SPOCK1: variants seen among roughly 807,000 people sequenced by gnomAD.
SPOCK1 encodes the protein testican-1.
In SPOCK1, 23 loss-of-function variants were observed where a neutral mutation model predicts 55.3. The observed-to-expected ratio is 0.42, with a 90% confidence interval of 0.30 to 0.59. The LOEUF (loss-of-function observed/expected upper bound fraction) is 0.59. SPOCK1 is among the 20% of genes least tolerant of loss of function. The probability of loss-of-function intolerance (pLI) is 0.22; values close to 1 mark genes in which losing one functional copy is unlikely to be tolerated. For synonymous variants in SPOCK1, 226 were observed against 221.0 expected (o/e 1.02, Z -0.20); for missense variants, 499 against 552.5 (o/e 0.90, Z 0.97).
At chr5:137,403,600 GC>G in intron 2 of SPOCK1, among the ~76,000 whole-genome samples, 1 of 152,064 alleles carries the variant, frequency 6.6e-6, no homozygotes, top group Non-Finnish European at 1.5e-5. Flanking sequence ...GTAGGGTGTG[GC>G]CAGGTTGTAG....
intron 2 of SPOCK1, among the ~76,000 whole-genome samples, chr5:137,378,277 G>C (rs187060567): frequency 6.6e-6 from 1 of 152,316 alleles, no homozygotes; most frequent in East Asian, 1.9e-4. Context: ...TTCTGCATGA[G>C]AATTGCTATG....
intron 2 of SPOCK1, among the ~76,000 whole-genome samples, chr5:137,409,771 A>T (rs931149904): frequency 6.6e-6 from 1 of 152,214 alleles, no homozygotes; most frequent in African/African-American, 2.4e-5. Flanking sequence ...GTTAGGTTAG[A>T]AGGATATACA....
At chr5:137,406,933 A>C (rs1363784010) in intron 2 of SPOCK1, among the ~76,000 whole-genome samples, 5 of 152,194 alleles carry the variant, frequency 3.3e-5, no homozygotes, top group Non-Finnish European at 5.9e-5. Flanking sequence ...TACCATTATA[A>C]TTTTATATTG....
rs74979635 is a variant in SPOCK1 at position 137,253,050 on chromosome 5, C to G, written c.232+13960G>C. 3.3e-3 allele frequency among the ~76,000 whole-genome samples: 509 copies of G among 152,322 alleles called. 6 individuals are homozygous for G. The highest frequency in any genetic ancestry group is 0.011 in the African/African-American group (474 of 41,574). On this transcript the variant is annotated intron_variant, in intron 3 of 10. Transcript: ENST00000394945. ...ACCTGAATGTCAGGCAAAAGCACTTCCTTTTCTAGAGGACAAAAATCCCTC... is the reference window on the plus strand; with the variant it reads ...ACCTGAATGTCAGGCAAAAGCACTTGCTTTTCTAGAGGACAAAAATCCCTC...
At chr5:137,424,012 C>A (rs769344175) in intron 2 of SPOCK1, among the ~76,000 whole-genome samples, 6 of 151,500 alleles carry the variant, frequency 4.0e-5, no homozygotes, top group Non-Finnish European at 7.4e-5. Context: ...ATACAGATAC[C>A]TGGTTGTTCC....
intron 2 of SPOCK1, among the ~76,000 whole-genome samples, chr5:137,279,420 T>C (rs765638183): frequency 8.5e-5 from 13 of 152,226 alleles, no homozygotes; most frequent in Non-Finnish European, 1.6e-4. Flanking sequence ...ACTGAGGAAG[T>C]ACCACTGAAG....
At chr5:137,172,711 C>G (rs1405830265) in intron 3 of SPOCK1, among the ~76,000 whole-genome samples, 1 of 152,112 alleles carries the variant, frequency 6.6e-6, no homozygotes, top group Non-Finnish European at 1.5e-5. Context: ...TAATACACTC[C>G]TTACCCCAGG....
intron 6 of SPOCK1, 126 bp from the exon 7 acceptor site, chr5:136,992,726 C>G: frequency 1.3e-5 from 8 of 622,908 alleles, no homozygotes; most frequent in Non-Finnish European, 2.2e-5. Flanking sequence ...TGTTACCTCA[C>G]GTGGAAAACA....
At chr5:137,483,997 A>T (rs1427656331) in intron 2 of SPOCK1, among the ~76,000 whole-genome samples, 1 of 152,222 alleles carries the variant, frequency 6.6e-6, no homozygotes, top group Non-Finnish European at 1.5e-5. Context: ...AATGAAAATC[A>T]AGTAGATGTC....
chr5:137,349,689 G>T (rs930123351), intron 2 of SPOCK1, among the ~76,000 whole-genome samples: 1 of 152,132 alleles, frequency 6.6e-6, no homozygotes, highest in African/African-American at 2.4e-5. Context: ...CTCATCTTTG[G>T]CATTCCTTGA....
At chr5:137,399,321 G>A (rs1190878884) in intron 2 of SPOCK1, among the ~76,000 whole-genome samples, 2 of 151,980 alleles carry the variant, frequency 1.3e-5, no homozygotes, top group Non-Finnish European at 2.9e-5. Context: ...GGATATCCAG[G>A]GCACAGCTTC....
At chr5:137,318,202 C>T (rs936864790) in intron 2 of SPOCK1, among the ~76,000 whole-genome samples, 2 of 152,196 alleles carry the variant, frequency 1.3e-5, no homozygotes, top group Admixed American at 6.5e-5. Flanking sequence ...TCCACTGGGG[C>T]GATTCTGATG....
chr5:137,300,267 C>A (rs552224337), intron 2 of SPOCK1, among the ~76,000 whole-genome samples: 7 of 152,252 alleles, frequency 4.6e-5, no homozygotes, highest in African/African-American at 1.7e-4. Context: ...CCCCAATTTG[C>A]GTATTATGTC....
At chr5:137,175,602 T>A (rs147047536) in intron 3 of SPOCK1, among the ~76,000 whole-genome samples, 33 of 152,356 alleles carry the variant, frequency 2.2e-4, no homozygotes, top group South Asian at 6.2e-4. Context: ...CTTTACCATT[T>A]ACTAGCTTTT....
intron 3 of SPOCK1, among the ~76,000 whole-genome samples, chr5:137,164,508 G>C (rs1412063887): frequency 1.3e-5 from 2 of 152,178 alleles, no homozygotes; most frequent in African/African-American, 4.8e-5. Flanking sequence ...GAGAGACCCA[G>C]TACATTCCCA....
intron 2 of SPOCK1, among the ~76,000 whole-genome samples, chr5:137,377,268 C>T (rs1365505860): frequency 6.6e-6 from 1 of 152,190 alleles, no homozygotes; most frequent in Admixed American, 6.5e-5. Flanking sequence ...CTTATGGGGC[C>T]TCCCCTGGGA....
At chr5:137,376,129 C>T (rs1002314838) in intron 2 of SPOCK1, among the ~76,000 whole-genome samples, 3 of 152,170 alleles carry the variant, frequency 2.0e-5, no homozygotes, top group Admixed American at 6.5e-5. Context: ...AGTAGACAAC[C>T]GCAGGCATGC....
intron 3 of SPOCK1, among the ~76,000 whole-genome samples, chr5:137,175,162 AC>A (rs1246382457): frequency 6.6e-6 from 1 of 152,204 alleles, no homozygotes; most frequent in Admixed American, 6.5e-5. Flanking sequence ...GGGAGAAATT[AC>A]TACCTGCACC....
At chr5:137,182,122 A>G (rs1440881640) in intron 3 of SPOCK1, among the ~76,000 whole-genome samples, 1 of 152,138 alleles carries the variant, frequency 6.6e-6, no homozygotes, top group East Asian at 1.9e-4. Context: ...CAATCGTGCC[A>G]CTTTTTTGCC....
Sources: allele counts gnomAD v4.1 joint callset (sites outside exome capture counted in the v4.1 genomes callset), GRCh38; gene constraint gnomAD v4.1.1; transcripts MANE v1.5; gene names NCBI Gene and HGNC (gene_info 2026-07-23, HGNC 2026-07-21).